Variants in CPNE4 observed in about 807,000 individuals in gnomAD.
The protein encoded by CPNE4 is copine 4, also known as copine-4.
CPNE4 carries 25 observed loss-of-function variants against 67.9 expected under a neutral mutation model. The ratio of observed to expected loss-of-function variants is 0.37; its 90% CI spans 0.27 to 0.51. The LOEUF is 0.51. Among genes scored for constraint, CPNE4 ranks in the 20% least tolerant of loss-of-function variants. The probability of loss-of-function intolerance (pLI) is 0.93; values close to 1 mark genes in which losing one functional copy is unlikely to be tolerated. For missense variants in CPNE4, 464 were observed against 690.8 expected (o/e 0.67, Z 3.68); for synonymous variants, 242 against 244.9 (o/e 0.99, Z 0.11).
intron 2 of CPNE4, among the ~76,000 whole-genome samples, chr3:131,744,526 A>G (rs1238813121): frequency 2.6e-5 from 4 of 152,228 alleles, no homozygotes; most frequent in Admixed American, 6.5e-5. Context: ...CTGATACAGA[A>G]TATTTCCATC....
At chr3:132,033,511 C>T (rs1477510701) in intron 1 of CPNE4, among the ~76,000 whole-genome samples, 2 of 152,082 alleles carry the variant, frequency 1.3e-5, no homozygotes, top group Admixed American at 6.6e-5. Flanking sequence ...CCTCACTCTG[C>T]TCACCTTTCC....
chr3:131,558,878 G>C (rs539099441), intron 11 of CPNE4, among the ~76,000 whole-genome samples: 1 of 151,820 alleles, frequency 6.6e-6, no homozygotes, highest in South Asian at 2.1e-4. Flanking sequence ...AGGGAAATCA[G>C]TATTCAGTTC....
intron 1 of CPNE4, among the ~76,000 whole-genome samples, chr3:131,968,467 A>C (rs935490915): frequency 1.3e-5 from 2 of 152,254 alleles, no homozygotes; most frequent in Non-Finnish European, 2.9e-5. Flanking sequence ...CATCTGACAA[A>C]GGTCTAATAT....
rs1337690416 is a variant in CPNE4, at chr3:131,535,339, A to G, written c.1540-10T>C. On this transcript the variant is annotated splice_polypyrimidine_tract_variant and intron_variant, in intron 15 of 15. Transcript: ENST00000429747. ...GGGCAGCTGGAGATGCCTGCAGGGAAGAAGAAATCATCATGACGTTGGCTT... is the reference window on the plus strand; with the variant it reads ...GGGCAGCTGGAGATGCCTGCAGGGAGGAAGAAATCATCATGACGTTGGCTT... 11 of 1,607,858 alleles carry G rather than the reference A, an allele frequency of 6.8e-6. No homozygotes were observed. In the South Asian group the frequency reaches 8.9e-5, roughly 13 times the overall value.
intron 1 of CPNE4, among the ~76,000 whole-genome samples, chr3:131,996,937 T>TTATAAGG (rs2073309999): frequency 6.6e-6 from 1 of 152,056 alleles, no homozygotes; most frequent in Non-Finnish European, 1.5e-5. Flanking sequence ...AGGACCTACA[T>TTATAAGG]ATCAATGAGA....
chr3:131,618,435 G>T (rs1235698149), intron 7 of CPNE4, among the ~76,000 whole-genome samples: 1 of 152,036 alleles, frequency 6.6e-6, no homozygotes, highest in African/African-American at 2.4e-5. Context: ...CAATTTTGAA[G>T]TATACAACAC....
intron 5 of CPNE4, among the ~76,000 whole-genome samples, chr3:131,691,043 G>A (rs1485710378): frequency 1.3e-5 from 2 of 151,978 alleles, no homozygotes; most frequent in Non-Finnish European, 2.9e-5. Context: ...TTACTAAAAC[G>A]TCAAAAAATA....
intron 1 of CPNE4, among the ~76,000 whole-genome samples, chr3:131,955,391 G>A (rs535477601): frequency 8.7e-5 from 8 of 91,894 alleles, no homozygotes; most frequent in South Asian, 3.5e-4. Context: ...TGCTTTTTCT[G>A]TGTGGTATTG....
intron 2 of CPNE4, among the ~76,000 whole-genome samples, chr3:131,750,264 C>A (rs1036978856): frequency 5.3e-5 from 8 of 152,124 alleles, no homozygotes; most frequent in Non-Finnish European, 8.8e-5. Flanking sequence ...GTTTATTAAT[C>A]CAACTTCTCA....
intron 1 of CPNE4, among the ~76,000 whole-genome samples, chr3:131,998,733 G>A (rs577179550): frequency 1.3e-5 from 2 of 151,966 alleles, no homozygotes; most frequent in South Asian, 4.2e-4. Context: ...AGATGGGTAA[G>A]GTTTTAGCCA....
At chr3:131,871,141 T>G (rs1362657637) in intron 2 of CPNE4, among the ~76,000 whole-genome samples, 2 of 151,824 alleles carry the variant, frequency 1.3e-5, no homozygotes, top group Non-Finnish European at 1.5e-5. Flanking sequence ...CTGGATGAAA[T>G]AAGAAGGGTA....
At chr3:132,026,947 T>G (rs1030302158) in intron 1 of CPNE4, among the ~76,000 whole-genome samples, 11 of 152,222 alleles carry the variant, frequency 7.2e-5, no homozygotes, top group African/African-American at 2.7e-4. Flanking sequence ...TCAAACTAAG[T>G]ATGCTTACTT....
In CPNE4 at chr3:131,545,543, A is replaced by ATATT. The variant is rs1232088735; in HGVS notation, c.1303-2754_1303-2751dup. On this transcript the variant is annotated intron_variant, in intron 14 of 15. Coordinates refer to ENST00000429747, the MANE Select transcript of CPNE4 (RefSeq NM_130808.3). ...ATAAAAAAACACATATTTTCCTGTT[A>ATATT]TATTACAGTACCTACATATATTTCA... 3.9e-5 allele frequency among the ~76,000 whole-genome samples: 6 copies of ATATT among 152,330 alleles called. No individual in the cohort carries two copies. The East Asian group carries it at 1.2e-3, about 29-fold the overall frequency.
intron 3 of CPNE4, among the ~76,000 whole-genome samples, chr3:131,721,723 T>C (rs1471379978): frequency 6.6e-6 from 1 of 152,164 alleles, no homozygotes; most frequent in African/African-American, 2.4e-5. Flanking sequence ...TGTGACAAAA[T>C]ATAAAATTTA....
intron 1 of CPNE4, among the ~76,000 whole-genome samples, chr3:131,997,509 G>A (rs564257774): frequency 3.9e-5 from 6 of 152,020 alleles, no homozygotes; most frequent in Admixed American, 1.3e-4. Flanking sequence ...TCTGTTCCTC[G>A]TTTTTCTTTA....
chr3:131,604,872 C>T lies in CPNE4; in HGVS notation c.682-17290G>A, dbSNP rs760539749. ...TCCAAGTCTTGGCAGTCAGAGGTCA[C>T]AACTCCCCAATTTTCTTGTAAAGTA... On this transcript the variant is annotated intron_variant, in intron 7 of 15. Transcript: ENST00000429747. Among the ~76,000 whole-genome samples, 8 of 152,090 alleles carry T rather than the reference C, an allele frequency of 5.3e-5. No individual in the cohort carries two copies. The South Asian group carries it at 1.0e-3, about 20-fold the overall frequency.
At chr3:131,912,147 A>G (rs2089003264) in intron 1 of CPNE4, among the ~76,000 whole-genome samples, 1 of 152,178 alleles carries the variant, frequency 6.6e-6, no homozygotes. Flanking sequence ...ATAAAAGCTG[A>G]CTTTTGGCCA....
intron 1 of CPNE4, among the ~76,000 whole-genome samples, chr3:132,014,321 C>T (rs572195690): frequency 6.6e-6 from 1 of 152,158 alleles, no homozygotes; most frequent in African/African-American, 2.4e-5. Context: ...CTCCTCCCCC[C>T]GAATGCTCCT....
intron 7 of CPNE4, among the ~76,000 whole-genome samples, chr3:131,639,649 T>G (rs967019309): frequency 6.6e-6 from 1 of 152,100 alleles, no homozygotes; most frequent in African/African-American, 2.4e-5. Context: ...CCTTCCTAAA[T>G]CATTCTATGA....
Sources: allele counts gnomAD v4.1 joint callset (sites outside exome capture counted in the v4.1 genomes callset), GRCh38; gene constraint gnomAD v4.1.1; transcripts MANE v1.5; gene names NCBI Gene and HGNC (gene_info 2026-07-23, HGNC 2026-07-21).